RAD51B: variants seen among roughly 807,000 people sequenced by gnomAD.
The protein encoded by RAD51B is DNA repair protein RAD51 homolog 2.
Under a neutral mutation model 42.2 loss-of-function variants are expected in RAD51B, and 38 were observed. The observed-to-expected ratio is 0.90, with a 90% CI of 0.70 to 1.18. The LOEUF is 1.18. Among genes scored for constraint, RAD51B ranks in the 50% most tolerant of loss-of-function variants. RAD51B has a pLI of 0.00. For missense variants in RAD51B, 373 were observed against 400.7 expected (o/e 0.93, Z 0.59); for synonymous variants, 154 against 145.2 (o/e 1.06, Z -0.43).
intron 7 of RAD51B, among the ~76,000 whole-genome samples, chr14:68,232,105 G>C (rs895454082): frequency 5.3e-5 from 8 of 152,050 alleles, no homozygotes; most frequent in Admixed American, 2.6e-4. Flanking sequence ...GGAAATATGA[G>C]AAGCCTTCCT....
chr14:68,556,592 G>A (rs149425400), intron 10 of RAD51B, among the ~76,000 whole-genome samples: 2 of 152,320 alleles, frequency 1.3e-5, no homozygotes, highest in East Asian at 3.9e-4. Flanking sequence ...CGTGAAACCT[G>A]AGGAGCAAAT....
chr14:68,471,823 G>A (rs916416275), intron 10 of RAD51B, among the ~76,000 whole-genome samples: 9 of 152,074 alleles, frequency 5.9e-5, no homozygotes, highest in African/African-American at 7.2e-5. Flanking sequence ...TCTGTCCAGC[G>A]TTTGTCTGGG....
intron 10 of RAD51B, among the ~76,000 whole-genome samples, chr14:68,496,505 G>T (rs750029524): frequency 7.9e-5 from 12 of 152,248 alleles, no homozygotes; most frequent in Non-Finnish European, 1.5e-4. Flanking sequence ...GGGCCCAGAT[G>T]CAGTGACTCC....
chr14:68,200,276 A>C (rs969005652), intron 7 of RAD51B, among the ~76,000 whole-genome samples: 2 of 152,226 alleles, frequency 1.3e-5, no homozygotes, highest in Non-Finnish European at 1.5e-5. Flanking sequence ...TAGGCAGTGC[A>C]AATGGTGGCT....
chr14:68,240,961 A>G (rs1226518217), intron 7 of RAD51B, among the ~76,000 whole-genome samples: 1 of 152,204 alleles, frequency 6.6e-6, no homozygotes, highest in Non-Finnish European at 1.5e-5. Flanking sequence ...CTGCAAAGCA[A>G]AGCAATTCTA....
chr14:68,236,862 AT>A (rs2080269272), intron 7 of RAD51B, among the ~76,000 whole-genome samples: 1 of 152,088 alleles, frequency 6.6e-6, no homozygotes, highest in Non-Finnish European at 1.5e-5. Context: ...CTCTATATAG[AT>A]TTGCAGACAT....
chr14:68,444,441 TG>T (rs1355480426), intron 9 of RAD51B, among the ~76,000 whole-genome samples: 605 of 10,288 alleles, frequency 0.059, 1 homozygote, highest in Middle Eastern at 0.13. Flanking sequence ...AATTGTGAAT[TG>T]TGTGTGTGTG....
intron 7 of RAD51B, among the ~76,000 whole-genome samples, chr14:67,978,585 C>T (rs545101940): frequency 6.6e-6 from 1 of 152,138 alleles, no homozygotes; most frequent in Non-Finnish European, 1.5e-5. Flanking sequence ...GGAGAAGAGA[C>T]AGTGTGAAGG....
chr14:68,110,452 G>A (rs2077442690), intron 7 of RAD51B, among the ~76,000 whole-genome samples: 1 of 151,974 alleles, frequency 6.6e-6, no homozygotes, highest in Non-Finnish European at 1.5e-5. Context: ...TTGGTTGAAA[G>A]GAAAAGAGGG....
At chr14:68,018,872 T>C (rs2140345062) in intron 7 of RAD51B, among the ~76,000 whole-genome samples, 1 of 152,300 alleles carries the variant, frequency 6.6e-6, no homozygotes, top group South Asian at 2.1e-4. Flanking sequence ...GTTCAAAGTC[T>C]GATTCTTCCA....
intron 7 of RAD51B, among the ~76,000 whole-genome samples, chr14:68,034,806 T>C (rs1369324243): frequency 6.6e-6 from 1 of 152,122 alleles, no homozygotes; most frequent in Non-Finnish European, 1.5e-5. Flanking sequence ...CAAAAGTTCT[T>C]CAGGGAAAAA....
intron 7 of RAD51B, among the ~76,000 whole-genome samples, chr14:68,043,411 A>G (rs946761028): frequency 6.6e-6 from 1 of 152,240 alleles, no homozygotes; most frequent in Non-Finnish European, 1.5e-5. Flanking sequence ...ATTCATTTGC[A>G]TTATACTGAT....
At chr14:68,647,439 T>A (rs1006678447) in intron 10 of RAD51B, among the ~76,000 whole-genome samples, 3 of 152,210 alleles carry the variant, frequency 2.0e-5, no homozygotes, top group African/African-American at 7.2e-5. Flanking sequence ...AGTAATAGTC[T>A]CTTCTTATTT....
At chr14:68,607,153 A>T (rs573164392) in intron 10 of RAD51B, among the ~76,000 whole-genome samples, 37 of 152,310 alleles carry the variant, frequency 2.4e-4, no homozygotes, top group African/African-American at 8.9e-4. Flanking sequence ...CACTGAGGGA[A>T]ACACAGTGTA....
intron 11 of RAD51B, among the ~76,000 whole-genome samples, chr14:68,669,716 T>C (rs1365682033): frequency 1.3e-5 from 2 of 152,046 alleles, no homozygotes; most frequent in East Asian, 3.8e-4. Context: ...AGCCCTGGGA[T>C]TTGTAACCAA....
intron 10 of RAD51B, among the ~76,000 whole-genome samples, chr14:68,629,691 GTCC>G (rs1416138412): frequency 1.3e-5 from 2 of 152,164 alleles, no homozygotes; most frequent in East Asian, 3.8e-4. Flanking sequence ...GAGCCCAGGA[GTCC>G]TCCTTCTGTG....
chr14:68,259,863 A>G (rs1190796625), intron 7 of RAD51B, among the ~76,000 whole-genome samples: 1 of 152,132 alleles, frequency 6.6e-6, no homozygotes, highest in Non-Finnish European at 1.5e-5. Context: ...AGAGTCATTT[A>G]TTCCTTCATT....
chr14:68,309,900 A>G (rs985042496), intron 8 of RAD51B, among the ~76,000 whole-genome samples: 17 of 152,220 alleles, frequency 1.1e-4, no homozygotes, highest in African/African-American at 3.6e-4. Context: ...GACACTCAGG[A>G]AATTTCAGTA....
At chr14:68,318,375 G>A (rs2082099643) in intron 8 of RAD51B, among the ~76,000 whole-genome samples, 1 of 152,112 alleles carries the variant, frequency 6.6e-6, no homozygotes, top group South Asian at 2.1e-4. Flanking sequence ...CTTAGGAAAT[G>A]AATAGGAGGT....
Sources: gnomAD v4.1 joint callset for allele counts (sites outside exome capture counted in the v4.1 genomes callset) on GRCh38, gnomAD v4.1.1 for gene constraint, MANE v1.5 for transcripts, NCBI Gene and HGNC (gene_info 2026-07-23, HGNC 2026-07-21) for gene names.